The following CKMT1B variants were observed in gnomAD, a reference collection of about 807,000 sequenced individuals.
The protein encoded by CKMT1B is creatine kinase, mitochondrial 1B, also known as creatine kinase U-type, mitochondrial.
CKMT1B carries 13 observed loss-of-function variants against 21.8 expected under a neutral mutation model. That is an observed-to-expected ratio of 0.60 (90% confidence interval 0.39 to 0.95). The LOEUF is 0.95. Among genes scored for constraint, CKMT1B ranks in the 40% least tolerant of loss-of-function variants. The pLI, the probability that CKMT1B is intolerant of heterozygous loss-of-function variation, is 0.00. For synonymous variants in CKMT1B, 50 were observed against 80.3 expected, an observed-to-expected ratio of 0.62 and a Z score of 2.02; for missense variants, 157 against 227.5, an observed-to-expected ratio of 0.69 and a Z score of 1.99.
Position 43,598,725 on chromosome 15 carries a change from A to G in CKMT1B, c.1012-102A>G, listed in dbSNP as rs1470460922. 50 of 1,443,574 alleles carry G rather than the reference A, an allele frequency of 3.5e-5. 1 individual carries two copies. Among genetic ancestry groups the G allele is most frequent in the Middle Eastern group, 2.5e-4 (1 of 4,032 alleles). 89.4% of individuals were successfully genotyped at this position (1,443,574 alleles called of 1,614,324 possible). On this transcript the variant is annotated intron_variant, in intron 7 of 8. Coordinates refer to ENST00000441322, the MANE Select transcript of CKMT1B (RefSeq NM_001375484.1). ...AAAAGAAAAAAGAAAAAAGGAAAAA[A>G]AAAGTTCAGGAGACAGAGCTCTGAG... is the stretch of plus-strand genomic sequence containing the variant.
In CKMT1B at chr15:43,598,885, G is replaced by A; in HGVS notation, c.1070G>A (p.Gly357Glu). 6.2e-7 allele frequency: 1 copy of A among 1,609,266 alleles called. No homozygotes were observed. Among genetic ancestry groups the A allele is most frequent in the Non-Finnish European group, 8.5e-7 (1 of 1,179,598 alleles). ...NLRLQKRGTG[G>E]VDTAATGGVF... Reference sequence around the variant, plus strand: ...AGACTCCAAAAACGTGGTACTGGAGGAGTGGACACTGCTGCTACAGGCGGT... The same window carrying A: ...AGACTCCAAAAACGTGGTACTGGAGAAGTGGACACTGCTGCTACAGGCGGT... Residue 357 changes from glycine (G) to glutamate (E), a missense_variant, in exon 8 of 9, where the codon GGA (glycine) becomes GAA (glutamate). Transcript: ENST00000441322.
rs750465544 is a variant in CKMT1B at position 43,599,139 on chromosome 15, A to G, written c.1138-18A>G. On this transcript the variant is annotated intron_variant, in intron 8 of 8. Transcript: ENST00000441322. ...AACTCAGACTGTAGGAAGCAGATCA[A>G]AGATTAGTGTCCCTTAGGTGGAGCT... 5.0e-6 allele frequency: 8 copies of G among 1,613,662 alleles called. No homozygotes were observed. The Admixed American group carries it at 1.0e-4, about 20-fold the overall frequency.
intron 6 of CKMT1B, 90 bp from the exon 7 acceptor site, chr15:43,598,103 T>G: frequency 1.3e-6 from 2 of 1,563,628 alleles, no homozygotes; most frequent in South Asian, 2.4e-5. Context: ...CTAGACATAT[T>G]TCTAGTGTTC....
intron 8 of CKMT1B, 62 bp downstream of exon 8, chr15:43,599,014 G>C (rs1297093829): frequency 6.2e-7 from 1 of 1,603,050 alleles, no homozygotes; most frequent in Non-Finnish European, 8.5e-7. Context: ...AAATATGGCA[G>C]TGAGTGAGCC....
At chr15:43,596,340 CT>C in intron 5 of CKMT1B, 48 bp downstream of exon 5, 13 of 1,310,078 alleles carry the variant, frequency 9.9e-6, no homozygotes, top group Non-Finnish European at 1.0e-5. Flanking sequence ...CTCATAAATG[CT>C]TTTTTTCCCT....
intron 6 of CKMT1B, chr15:43,597,570 T>A: frequency 9.6e-7 from 1 of 1,041,498 alleles, no homozygotes; most frequent in Non-Finnish European, 1.2e-6. Context: ...TGGGTTGTGG[T>A]CTTTGTGACC....
rs1047042470 is a variant in CKMT1B, at chr15:43,596,464, T to G, written c.809T>G (p.Val270Gly). The change falls in exon 6 of 9, where the codon GTG becomes GGG. Residue 270 changes from valine (V) to glycine (G), a missense_variant. Transcript: ENST00000441322. Reference sequence around the variant, plus strand: ...GTGAATGAGGAGGATCATACACGGGTGATCTCCATGGAGAAGGGTGGTAAC... The same window carrying G: ...GTGAATGAGGAGGATCATACACGGGGGATCTCCATGGAGAAGGGTGGTAAC... ...IWVNEEDHTR[V>G]ISMEKGGNMK... is the part of the protein sequence containing the mutation. 1.7e-5 allele frequency: 27 copies of G among 1,596,964 alleles called. 1 individual carries two copies. Among genetic ancestry groups the G allele is most frequent in the Non-Finnish European group, 2.2e-5 (26 of 1,173,822 alleles).
Position 43,598,344 on chromosome 15 carries a change from G to A in CKMT1B, c.1011+17G>A, listed in dbSNP as rs1408340992. 6.3e-7 allele frequency: 1 copy of A among 1,596,702 alleles called. No homozygotes were observed. The highest frequency in any genetic ancestry group is 8.5e-7 in the Non-Finnish European group (1 of 1,173,862). On this transcript the variant is annotated intron_variant, in intron 7 of 8. Coordinates refer to ENST00000441322, the MANE Select transcript of CKMT1B (RefSeq NM_001375484.1). ...CTAAGCAAAGTAAAGGAGTTGTGGG[G>A]TTACAGAGGGGTGTGAGTAAGGAAG...
chr15:43,597,499 G>C, intron 6 of CKMT1B: 1 of 1,264,748 alleles, frequency 7.9e-7, no homozygotes, highest in South Asian at 1.3e-5. Flanking sequence ...TGTTCAGCAT[G>C]TAAGATATCC....
rs776227809 is a variant in CKMT1B at position 43,596,239 on chromosome 15, G to T, written c.699G>T (p.Pro233=). 1 of 570,390 alleles carries T rather than the reference G, an allele frequency of 1.8e-6. No individual in the cohort carries two copies. The highest frequency in any genetic ancestry group is 3.8e-5 in the Admixed American group (1 of 26,400). The allele number at this position is 570,390 out of a possible 1,614,324, so 35.3% of individuals were successfully genotyped here. Residue 233 remains proline, a synonymous_variant, in exon 5 of 9, where the codon CCG becomes CCT. Transcript: ENST00000441322. ...DHFLFDKPVS[P]LLTAAGMARD... The stretch of plus-strand genomic sequence containing the variant: ...TTCTGTTTGATAAGCCTGTGTCCCC[G>T]TTGCTGACTGCAGCAGGAATGGCTC...
chr15:43,598,242 G>A lies in CKMT1B; in HGVS notation c.926G>A (p.Arg309His), dbSNP rs775383379. 5.7e-5 allele frequency: 92 copies of A among 1,607,836 alleles called. 2 individuals are homozygous for A. The highest frequency in any genetic ancestry group is 1.1e-4 in the East Asian group (5 of 43,524). ...GGCTGGGAGTTCATGTGGAATGAGC[G>A]TTTGGGATACATCTTGACCTGTCCA... is the stretch of plus-strand genomic sequence containing the variant. ...ERGWEFMWNE[R>H]LGYILTCPSN... The change falls in exon 7 of 9, where the codon CGT (arginine) becomes CAT (histidine). Residue 309 changes from arginine (R) to histidine (H), a missense_variant. Transcript: ENST00000441322.
intron 6 of CKMT1B, chr15:43,597,668 C>A: frequency 6.3e-6 from 6 of 946,128 alleles, no homozygotes; most frequent in Non-Finnish European, 7.9e-6. Flanking sequence ...CTTCCCCCCG[C>A]CCCCTATTCC....
Position 43,599,147 on chromosome 15 carries a change from T to G in CKMT1B, c.1138-10T>G, listed in dbSNP as rs199791072. On this transcript the variant is annotated splice_polypyrimidine_tract_variant and intron_variant, in intron 8 of 8. Coordinates refer to ENST00000441322, the MANE Select transcript of CKMT1B (RefSeq NM_001375484.1). ...CTGTAGGAAGCAGATCAAAGATTAG[T>G]GTCCCTTAGGTGGAGCTGGTGCAAC... The G allele has an allele frequency of 3.1e-6, 5 of 1,613,664 alleles. No homozygotes were observed. In the African/African-American group the frequency reaches 6.7e-5, roughly 22 times the overall value.
At position 43,596,407 on chromosome 15, in the gene CKMT1B, G is replaced by C; in HGVS notation, c.753-1G>C. On this transcript the variant is annotated splice_acceptor_variant, in intron 5 of 8. Transcript: ENST00000441322. LOFTEE classifies it high-confidence loss of function. ...GATCACTGTCCCTCTCCGGCCCTCA[G>C]GCACAACAATGAGAAGAGCTTCCTG... 1 of 1,572,302 alleles carries C rather than the reference G, an allele frequency of 6.4e-7. No individual in the cohort carries two copies. The highest frequency in any genetic ancestry group is 8.6e-7 in the Non-Finnish European group (1 of 1,161,390).
At chr15:43,597,620 T>C (rs1442612593) in intron 6 of CKMT1B, 11 of 923,486 alleles carry the variant, frequency 1.2e-5, no homozygotes, top group Non-Finnish European at 1.5e-5. Context: ...ACTCTAATAG[T>C]CATCTTCATG....
At chr15:43,597,985 C>T in intron 6 of CKMT1B, 1 of 1,387,814 alleles carries the variant, frequency 7.2e-7, no homozygotes, top group Non-Finnish European at 9.3e-7. Context: ...TTCACAATCT[C>T]ATTATTATGC....
chr15:43,599,161 A>C lies in CKMT1B; in HGVS notation c.1142A>C (p.Glu381Ala), dbSNP rs137902792. 1.2e-6 allele frequency: 2 copies of C among 1,613,586 alleles called. No homozygotes were observed. The highest frequency in any genetic ancestry group is 2.7e-5 in the African/African-American group (2 of 74,768). Residue 381 changes from glutamate (E) to alanine (A), a missense_variant, in exon 9 of 9, where the codon GAG becomes GCG. Coordinates refer to ENST00000441322, the MANE Select transcript of CKMT1B (RefSeq NM_001375484.1). ...TCAAAGATTAGTGTCCCTTAGGTGG[A>C]GCTGGTGCAACTGGTCATCGATGGA... ...NLDRLGKSEVELVQLVIDGVN... is the reference protein window; with the variant it reads ...NLDRLGKSEVALVQLVIDGVN...
intron 6 of CKMT1B, chr15:43,597,660 TC>T (rs2085593546): frequency 1.3e-5 from 12 of 919,096 alleles, no homozygotes; most frequent in Non-Finnish European, 1.6e-5. Flanking sequence ...CCAAACGCCT[TC>T]CCCCCGCCCC....
chr15:43,596,663 C>T, intron 6 of CKMT1B, 132 bp downstream of exon 6: 1 of 1,418,130 alleles, frequency 7.1e-7, no homozygotes, highest in Non-Finnish European at 9.6e-7. Context: ...CTAGGACTCA[C>T]TCCAGGACTA....
Sources: allele counts gnomAD v4.1 joint callset, GRCh38; gene constraint gnomAD v4.1.1; transcripts MANE v1.5; gene names NCBI Gene and HGNC (gene_info 2026-07-23, HGNC 2026-07-21).